DLG2: variants seen among roughly 807,000 people sequenced by gnomAD.
DLG2 encodes disks large homolog 2.
In DLG2, 45 loss-of-function variants were observed where a neutral mutation model predicts 132.5. The ratio of observed to expected loss-of-function variants is 0.34; its 90% CI spans 0.27 to 0.44. DLG2 has a LOEUF of 0.44. DLG2 is among the 20% of genes least tolerant of loss of function. The pLI is 1.00. For missense variants in DLG2, 1,045 were observed against 1,196.9 expected, an observed-to-expected ratio of 0.87 and a Z score of 1.87; for synonymous variants, 424 against 419.6, an observed-to-expected ratio of 1.01 and a Z score of -0.13.
chr11:84,356,239 C>CT (rs1184191892), intron 7 of DLG2, among the ~76,000 whole-genome samples: 5 of 152,060 alleles, frequency 3.3e-5, no homozygotes, highest in African/African-American at 1.2e-4. Context: ...TAAAGACCAG[C>CT]TTTTTCTAGG....
At chr11:85,146,354 A>G (rs2076859345) in intron 5 of DLG2, among the ~76,000 whole-genome samples, 1 of 151,914 alleles carries the variant, frequency 6.6e-6, no homozygotes, top group Non-Finnish European at 1.5e-5. Context: ...TGAAGGCATC[A>G]CAGTATTTGG....
chr11:83,509,501 T>C (rs1448622403), intron 21 of DLG2, among the ~76,000 whole-genome samples: 3 of 152,142 alleles, frequency 2.0e-5, no homozygotes, highest in African/African-American at 7.2e-5. Flanking sequence ...GAAGACAAAA[T>C]TCACAGTGCT....
chr11:85,584,051 T>C lies in DLG2; in HGVS notation c.40+14606A>G, dbSNP rs375321121. Among the ~76,000 whole-genome samples, 73 of 152,276 alleles carry C rather than the reference T, an allele frequency of 4.8e-4. 1 individual carries two copies. In the East Asian group the frequency reaches 0.01, roughly 21 times the overall value. ...TAGTTTTAGAGAAACAGGTGGGGTT[T>C]ACTGCATGGAAAAGTAATTTAGTGG... On this transcript the variant is annotated intron_variant, in intron 3 of 27. Coordinates refer to ENST00000376104, the MANE Select transcript of DLG2 (RefSeq NM_001142699.3).
intron 8 of DLG2, among the ~76,000 whole-genome samples, chr11:84,246,667 C>A (rs1430053960): frequency 3.3e-5 from 5 of 152,122 alleles, no homozygotes; most frequent in Non-Finnish European, 7.4e-5. Context: ...TGCTGTGGCA[C>A]CCCAAACTGC....
intron 8 of DLG2, among the ~76,000 whole-genome samples, chr11:84,242,993 T>TTC (rs145284405): frequency 0.015 from 1,922 of 124,888 alleles, 17 homozygotes; most frequent in African/African-American, 0.029. Context: ...ATTAATTAGG[T>TTC]TCTCTCTCTC....
chr11:85,565,230 C>G (rs1209580650), intron 3 of DLG2, among the ~76,000 whole-genome samples: 2 of 152,030 alleles, frequency 1.3e-5, no homozygotes, highest in East Asian at 3.8e-4. Context: ...CCTTACTACA[C>G]TGGCTAGGTT....
intron 6 of DLG2, among the ~76,000 whole-genome samples, chr11:84,841,175 G>A (rs1213957893): frequency 6.6e-6 from 1 of 151,742 alleles, no homozygotes; most frequent in African/African-American, 2.4e-5. Context: ...TATATGTTCC[G>A]TTATATAAGA....
intron 6 of DLG2, among the ~76,000 whole-genome samples, chr11:85,011,214 G>T (rs764206933): frequency 6.6e-5 from 10 of 152,140 alleles, no homozygotes; most frequent in Non-Finnish European, 1.2e-4. Flanking sequence ...AAAATGCTTT[G>T]CTAGAGGATA....
Position 83,726,879 on chromosome 11 carries a change from C to A in DLG2, c.1825+59811G>T, listed in dbSNP as rs1270065706. On this transcript the variant is annotated intron_variant, in intron 18 of 27. Coordinates refer to ENST00000376104, the MANE Select transcript of DLG2 (RefSeq NM_001142699.3). ...TTGGCTCCTAGAAAGACAATAATGA[C>A]CCCTTCAGATGAACACTCTCTTCCT... Among the ~76,000 whole-genome samples the A allele has an allele frequency of 3.3e-5, 5 of 152,134 alleles. 1 individual carries two copies. Among genetic ancestry groups the A allele is most frequent in the Admixed American group, 2.0e-4 (3 of 15,274 alleles).
intron 6 of DLG2, among the ~76,000 whole-genome samples, chr11:84,840,765 C>G (rs1016467731): frequency 6.6e-6 from 1 of 152,012 alleles, no homozygotes; most frequent in Admixed American, 6.6e-5. Flanking sequence ...ACTACATGTT[C>G]TCACTCATAG....
At chr11:85,208,679 T>C (rs2082058098) in intron 4 of DLG2, among the ~76,000 whole-genome samples, 1 of 152,136 alleles carries the variant, frequency 6.6e-6, no homozygotes, top group Admixed American at 6.6e-5. Context: ...CCAGGTTAAA[T>C]GAATTTCAGT....
chr11:84,170,797 A>G (rs1405174414), intron 8 of DLG2, among the ~76,000 whole-genome samples: 3 of 152,162 alleles, frequency 2.0e-5, no homozygotes, highest in African/African-American at 7.2e-5. Context: ...TCTCATGCAG[A>G]TAGATAACCT....
At chr11:83,760,562 A>G (rs1036545725) in intron 18 of DLG2, among the ~76,000 whole-genome samples, 12 of 151,648 alleles carry the variant, frequency 7.9e-5, no homozygotes, top group African/African-American at 2.9e-4. Flanking sequence ...CACCATGTTG[A>G]CCAGGCTGGT....
intron 6 of DLG2, among the ~76,000 whole-genome samples, chr11:84,730,217 T>A (rs1415392796): frequency 6.6e-6 from 1 of 152,044 alleles, no homozygotes; most frequent in Admixed American, 6.6e-5. Flanking sequence ...TGCTATGCAA[T>A]TCTGAGTTAG....
chr11:84,796,513 T>C (rs1455648882), intron 6 of DLG2, among the ~76,000 whole-genome samples: 1 of 152,222 alleles, frequency 6.6e-6, no homozygotes, highest in African/African-American at 2.4e-5. Flanking sequence ...GAAGATTTCT[T>C]ACTGCTCATT....
intron 6 of DLG2, among the ~76,000 whole-genome samples, chr11:84,574,929 A>G (rs1348466661): frequency 6.6e-6 from 1 of 152,072 alleles, no homozygotes; most frequent in Non-Finnish European, 1.5e-5. Context: ...GGTAGATGCA[A>G]GTTTATCCAA....
intron 6 of DLG2, among the ~76,000 whole-genome samples, chr11:84,544,396 G>A (rs2099385380): frequency 6.6e-6 from 1 of 152,190 alleles, no homozygotes; most frequent in Non-Finnish European, 1.5e-5. Context: ...CAGCAACACT[G>A]TCTTGAGTAA....
chr11:83,760,638 G>A (rs1291859493), intron 18 of DLG2, among the ~76,000 whole-genome samples: 1 of 152,060 alleles, frequency 6.6e-6, no homozygotes, highest in East Asian at 1.9e-4. Flanking sequence ...TTACAGGTGT[G>A]AGCCACTGCT....
intron 19 of DLG2, among the ~76,000 whole-genome samples, chr11:83,556,051 T>C (rs1262187008): frequency 6.6e-6 from 1 of 152,224 alleles, no homozygotes; most frequent in Admixed American, 6.5e-5. Context: ...TGATTAGTCC[T>C]CACAGGAGTA....
Sources: gnomAD v4.1 joint callset for allele counts (sites outside exome capture counted in the v4.1 genomes callset) on GRCh38, gnomAD v4.1.1 for gene constraint, MANE v1.5 for transcripts, NCBI Gene and HGNC (gene_info 2026-07-23, HGNC 2026-07-21) for gene names.